UBR2: variants seen among roughly 807,000 people sequenced by gnomAD.
UBR2 encodes the protein ubiquitin protein ligase E3 component n-recognin 2.
A neutral mutation model predicts 247.9 loss-of-function variants in UBR2; 92 were observed. The ratio of observed to expected loss-of-function variants is 0.37; its 90% CI spans 0.31 to 0.44. The LOEUF (loss-of-function observed/expected upper bound fraction) is 0.44, where lower values mean the gene tolerates loss of function less well. Among genes scored for constraint, UBR2 ranks in the 20% least tolerant of loss-of-function variants. The probability of loss-of-function intolerance (pLI) is 1.00; values close to 1 mark genes in which losing one functional copy is unlikely to be tolerated. For missense variants in UBR2, 1,613 were observed against 2,112.6 expected, an observed-to-expected ratio of 0.76 and a Z score of 4.64; for synonymous variants, 672 against 693.5, an observed-to-expected ratio of 0.97 and a Z score of 0.49.
At chr6:42,592,092 C>T (rs1006793355) in intron 2 of UBR2, 59 bp from the exon 3 acceptor site, 12 of 1,455,056 alleles carry the variant, frequency 8.2e-6, no homozygotes, top group South Asian at 4.9e-5. Context: ...TGAAATAATT[C>T]TGTTGTGAAA....
chr6:42,632,396 T>C (rs1350803101), intron 11 of UBR2, among the ~76,000 whole-genome samples, 156 bp from the exon 12 acceptor site: 2 of 150,684 alleles, frequency 1.3e-5, no homozygotes, highest in Non-Finnish European at 2.9e-5. Context: ...GAGTAAGTAA[T>C]TGTTATTTAG....
rs2151985381 is a variant in UBR2, at chr6:42,673,811, G to A, written c.4107G>A (p.Leu1369=). 1 of 1,613,726 alleles carries A rather than the reference G, an allele frequency of 6.2e-7. No homozygotes were observed. Among genetic ancestry groups the A allele is most frequent in the East Asian group, 2.2e-5 (1 of 44,886 alleles). Residue 1369 remains leucine, a synonymous_variant, in exon 37 of 47, where the codon TTG becomes TTA. Transcript: ENST00000372901. ...PCRLDDCLRS[L]TRFAAAHWTV... is the part of the protein sequence containing the mutation. ...TTTAGGATGACTGTCTTAGGTCATT[G>A]ACGAGATTTGCCGCAGCACACTGGA... is the stretch of plus-strand genomic sequence containing the variant.
At chr6:42,607,984 T>G (rs1382074117) in intron 7 of UBR2, among the ~76,000 whole-genome samples, 1 of 152,114 alleles carries the variant, frequency 6.6e-6, no homozygotes, top group Non-Finnish European at 1.5e-5. Flanking sequence ...AGTTCATTCA[T>G]GTTTTAAACA....
chr6:42,566,888 A>G (rs985379653), intron 1 of UBR2, among the ~76,000 whole-genome samples: 12 of 152,198 alleles, frequency 7.9e-5, no homozygotes, highest in African/African-American at 2.9e-4. Context: ...TCAACTATAT[A>G]ACCTTAATCT....
intron 3 of UBR2, among the ~76,000 whole-genome samples, chr6:42,593,096 C>T (rs1288314113): frequency 6.6e-6 from 1 of 152,120 alleles, no homozygotes; most frequent in East Asian, 1.9e-4. Context: ...ATCACTTAAA[C>T]CTGGGAGGCG....
intron 11 of UBR2, among the ~76,000 whole-genome samples, chr6:42,624,520 C>T (rs766368105): frequency 1.6e-4 from 24 of 152,112 alleles, no homozygotes; most frequent in African/African-American, 5.1e-4. Flanking sequence ...ACTGAGACCA[C>T]GGCATTGCAG....
intron 7 of UBR2, among the ~76,000 whole-genome samples, chr6:42,607,165 A>C (rs912504176): frequency 1.3e-5 from 2 of 150,744 alleles, no homozygotes; most frequent in Non-Finnish European, 2.9e-5. Context: ...CTTTTTAAAA[A>C]ATAATTTTAT....
At chr6:42,686,356 A>T (rs1799395667) in intron 44 of UBR2, among the ~76,000 whole-genome samples, 1 of 151,670 alleles carries the variant, frequency 6.6e-6, no homozygotes. Flanking sequence ...TTTAACCCTT[A>T]GTGGACACAG....
chr6:42,679,650 TGC>T, intron 41 of UBR2, 72 bp from the exon 42 acceptor site: 1 of 1,092,408 alleles, frequency 9.2e-7, no homozygotes, highest in African/African-American at 1.6e-5. Flanking sequence ...TTTTAAACTC[TGC>T]TATTGCTTAA....
chr6:42,666,080 T>C, intron 33 of UBR2, 87 bp from the exon 34 acceptor site: 1 of 1,188,882 alleles, frequency 8.4e-7, no homozygotes, highest in South Asian at 1.6e-5. Context: ...TTTTTCCTTT[T>C]GTTTTTGATT....
intron 4 of UBR2, among the ~76,000 whole-genome samples, chr6:42,600,191 C>T (rs150518971): frequency 2.5e-3 from 385 of 152,190 alleles, no homozygotes; most frequent in African/African-American, 9.0e-3. Flanking sequence ...GAGTATACTG[C>T]ATAAAAGATA....
intron 11 of UBR2, among the ~76,000 whole-genome samples, chr6:42,618,122 C>T (rs541065702): frequency 2.0e-5 from 3 of 152,332 alleles, no homozygotes; most frequent in Middle Eastern, 6.8e-3. Flanking sequence ...TGACCCTTCC[C>T]TCATCAAACT....
At chr6:42,632,070 AT>A (rs572180454) in intron 11 of UBR2, among the ~76,000 whole-genome samples, 10,572 of 101,682 alleles carry the variant, frequency 0.1, 427 homozygotes, top group South Asian at 0.15. Flanking sequence ...AAAAAAAAAA[AT>A]ATATATATAT....
At chr6:42,587,028 C>G (rs987985628) in intron 2 of UBR2, among the ~76,000 whole-genome samples, 3 of 151,876 alleles carry the variant, frequency 2.0e-5, no homozygotes, top group African/African-American at 7.3e-5. Flanking sequence ...CCATGTTGGC[C>G]AGGCTGGTCT....
At chr6:42,683,876 CT>C in intron 43 of UBR2, among the ~76,000 whole-genome samples, 1 of 152,316 alleles carries the variant, frequency 6.6e-6, no homozygotes, top group East Asian at 1.9e-4. Context: ...ACCCAAAGCA[CT>C]TCTGGTCCCA....
At chr6:42,566,967 T>G (rs987029741) in intron 1 of UBR2, among the ~76,000 whole-genome samples, 2 of 152,244 alleles carry the variant, frequency 1.3e-5, no homozygotes, top group Non-Finnish European at 2.9e-5. Flanking sequence ...ACTGTTTTTT[T>G]CAGCTTAGGC....
chr6:42,688,000 C>T (rs1799540639), intron 44 of UBR2, among the ~76,000 whole-genome samples: 1 of 151,008 alleles, frequency 6.6e-6, no homozygotes, highest in South Asian at 2.1e-4. Flanking sequence ...TCTCCAGTTA[C>T]TGATTCTTTT....
chr6:42,619,567 G>T, intron 11 of UBR2: 1 of 221,212 alleles, frequency 4.5e-6, no homozygotes, highest in South Asian at 1.7e-4. Flanking sequence ...TGGCCAACAT[G>T]GTGAAACCCC....
At chr6:42,617,322 T>C in intron 10 of UBR2, 87 bp from the exon 11 acceptor site, 1 of 1,614,154 alleles carries the variant, frequency 6.2e-7, no homozygotes, top group Non-Finnish European at 8.5e-7. Context: ...GTCCAGTTCT[T>C]CACCGCACCT....
Sources: gnomAD v4.1 joint callset for allele counts (sites outside exome capture counted in the v4.1 genomes callset) on GRCh38, gnomAD v4.1.1 for gene constraint, MANE v1.5 for transcripts, NCBI Gene and HGNC (gene_info 2026-07-23, HGNC 2026-07-21) for gene names.